Variants in CATSPERT observed in about 807,000 individuals in gnomAD.
The protein encoded by CATSPERT is catsper channel auxiliary subunit tau.
At chr2:201,538,785 A>G in the CATSPERT span, among the ~76,000 whole-genome samples, 1 of 152,072 alleles carries the variant, frequency 6.6e-6, no homozygotes, top group Admixed American at 6.6e-5. Context: ...CCTATTATCC[A>G]TTAGTTATTT....
At chr2:201,605,084 A>AT in the CATSPERT span, among the ~76,000 whole-genome samples, 9 of 133,648 alleles carry the variant, frequency 6.7e-5, no homozygotes, top group Non-Finnish European at 1.6e-4. Flanking sequence ...ACACATACAC[A>AT]AACATATATA....
the CATSPERT span, among the ~76,000 whole-genome samples, chr2:201,513,531 A>G: frequency 0.039 from 5,970 of 152,326 alleles, 183 homozygotes; most frequent in African/African-American, 0.082. Context: ...GAATTTCTCA[A>G]AGAACTGAAA....
chr2:201,556,381 C>A, the CATSPERT span, among the ~76,000 whole-genome samples: 1 of 151,896 alleles, frequency 6.6e-6, no homozygotes, highest in African/African-American at 2.4e-5. Context: ...TGGTGGCGGG[C>A]GCCTGTAGTC....
the CATSPERT span, among the ~76,000 whole-genome samples, chr2:201,589,960 ACTTTT>A: frequency 6.6e-6 from 1 of 151,772 alleles, no homozygotes. Flanking sequence ...ATAAACGGAT[ACTTTT>A]CTTTTTATTT....
At chr2:201,601,744 C>G in the CATSPERT span, 7 of 1,610,644 alleles carry the variant, frequency 4.3e-6, no homozygotes, top group Non-Finnish European at 5.1e-6. Flanking sequence ...ATTACCTGTA[C>G]AGAAAAATAC....
chr2:201,551,904 G>A, the CATSPERT span, among the ~76,000 whole-genome samples: 2 of 142,380 alleles, frequency 1.4e-5, no homozygotes, highest in East Asian at 2.0e-4. Flanking sequence ...GGGAAACTCC[G>A]TCTAAAAAAA....
At chr2:201,531,667 C>T in the CATSPERT span, among the ~76,000 whole-genome samples, 1 of 152,020 alleles carries the variant, frequency 6.6e-6, no homozygotes, top group Non-Finnish European at 1.5e-5. Flanking sequence ...TGAATGAACC[C>T]TGAGAAGATC....
At chr2:201,535,614 G>A in the CATSPERT span, 1 of 1,096,142 alleles carries the variant, frequency 9.1e-7, no homozygotes, top group East Asian at 5.5e-5. Flanking sequence ...TAACCCAAGA[G>A]ATTAATTTGT....
At chr2:201,535,779 TA>T in the CATSPERT span, 2 of 1,360,538 alleles carry the variant, frequency 1.5e-6, no homozygotes, top group Non-Finnish European at 1.9e-6. Context: ...TTTAATTTTT[TA>T]AAATAGATTA....
At chr2:201,504,483 C>T in the CATSPERT span, among the ~76,000 whole-genome samples, 1 of 152,198 alleles carries the variant, frequency 6.6e-6, no homozygotes, top group Non-Finnish European at 1.5e-5. Context: ...TCTCTCCTAC[C>T]TGGCAGACTG....
At chr2:201,513,017 C>T in the CATSPERT span, among the ~76,000 whole-genome samples, 1 of 150,498 alleles carries the variant, frequency 6.6e-6, no homozygotes, top group Non-Finnish European at 1.5e-5. Context: ...ACCAGCATGG[C>T]ACATGTATAC....
the CATSPERT span, among the ~76,000 whole-genome samples, chr2:201,617,839 A>T: frequency 6.6e-6 from 1 of 152,250 alleles, no homozygotes; most frequent in Non-Finnish European, 1.5e-5. Context: ...CAGAATCTAC[A>T]AAGAACTGAA....
chr2:201,541,780 G>A, the CATSPERT span, among the ~76,000 whole-genome samples: 5 of 151,736 alleles, frequency 3.3e-5, no homozygotes, highest in Non-Finnish European at 7.4e-5. Context: ...ATTTTTAGTA[G>A]AGATAGGGTT....
At chr2:201,588,762 G>A in the CATSPERT span, among the ~76,000 whole-genome samples, 8 of 151,912 alleles carry the variant, frequency 5.3e-5, no homozygotes, top group Non-Finnish European at 1.5e-5. Flanking sequence ...CCTGGCCAGG[G>A]CAATCAGGCA....
the CATSPERT span, among the ~76,000 whole-genome samples, chr2:201,563,465 G>T: frequency 1.6e-4 from 1 of 6,378 alleles, no homozygotes; most frequent in Admixed American, 1.6e-3. Context: ...CGGGCGGGGG[G>T]CTGACCCCCC....
chr2:201,494,164 A>G, the CATSPERT span: 13 of 1,531,906 alleles, frequency 8.5e-6, no homozygotes, highest in Admixed American at 2.2e-4. Context: ...TTTTTTTTCC[A>G]ATACGTTGTC....
At chr2:201,559,217 G>A in the CATSPERT span, among the ~76,000 whole-genome samples, 1 of 152,162 alleles carries the variant, frequency 6.6e-6, no homozygotes. Context: ...GGCTGCCCCT[G>A]ACAGGCATGT....
At chr2:201,585,348 C>T in the CATSPERT span, among the ~76,000 whole-genome samples, 5 of 148,036 alleles carry the variant, frequency 3.4e-5, no homozygotes, top group African/African-American at 1.0e-4. Context: ...CAAACCTGCA[C>T]GTTCTGCACA....
At chr2:201,569,462 A>C in the CATSPERT span, among the ~76,000 whole-genome samples, 7 of 152,158 alleles carry the variant, frequency 4.6e-5, no homozygotes, top group African/African-American at 1.7e-4. Context: ...CATTATGGTA[A>C]CCATGCCCAC....
Sources: gnomAD v4.1 joint callset for allele counts (sites outside exome capture counted in the v4.1 genomes callset) on GRCh38, gnomAD v4.1.1 for gene constraint, MANE v1.5 for transcripts, NCBI Gene and HGNC (gene_info 2026-07-23, HGNC 2026-07-21) for gene names.